Variants in EVC2 observed in about 807,000 individuals in gnomAD.
The protein encoded by EVC2 is EvC ciliary complex subunit 2.
EVC2 carries 148 observed loss-of-function variants against 149.3 expected under a neutral mutation model. The ratio of observed to expected loss-of-function variants is 0.99; its 90% CI spans 0.87 to 1.14. The LOEUF is 1.14. Among genes scored for constraint, EVC2 ranks in the 50% most tolerant of loss-of-function variants. EVC2 has a pLI of 0.00. For missense variants in EVC2, 1,854 were observed against 1,627.3 expected, an observed-to-expected ratio of 1.14 and a Z score of -2.40; for synonymous variants, 776 against 649.9, an observed-to-expected ratio of 1.19 and a Z score of -2.95.
chr4:5,664,592 G>A lies in EVC2; in HGVS notation c.1005+923C>T, dbSNP rs1000692058. On this transcript the variant is annotated intron_variant, in intron 8 of 21. Transcript: ENST00000344408. ...ACTTTTGCCCGCCAAGGAGACTGTGGGCTGACCTCATTTTGAAATGACAAT... is the reference window on the plus strand; with the variant it reads ...ACTTTTGCCCGCCAAGGAGACTGTGAGCTGACCTCATTTTGAAATGACAAT... Among the ~76,000 whole-genome samples, 6 of 152,078 alleles carry A rather than the reference G, an allele frequency of 3.9e-5. No individual in the cohort carries two copies. In the East Asian group the frequency reaches 1.2e-3, roughly 29 times the overall value.
chr4:5,604,991 G>A (rs1281555346), intron 16 of EVC2, among the ~76,000 whole-genome samples: 1 of 150,306 alleles, frequency 6.7e-6, no homozygotes, highest in Non-Finnish European at 1.5e-5. Context: ...AAGATGATGA[G>A]GATGAAGACC....
chr4:5,558,483 A>G (rs1048823526), downstream of EVC2, among the ~76,000 whole-genome samples: 3 of 152,216 alleles, frequency 2.0e-5, no homozygotes, highest in Non-Finnish European at 4.4e-5. Context: ...ATGATTGTGT[A>G]TCATTTTATA....
In EVC2 at chr4:5,640,403, T is replaced by A. The variant is rs74490257; in HGVS notation, c.1470+111A>T. The A allele has an allele frequency of 5.6e-6, 7 of 1,260,130 alleles. No homozygotes were observed. Among genetic ancestry groups the A allele is most frequent in the Non-Finnish European group, 7.0e-6 (6 of 860,382 alleles). The allele number at this position is 1,260,130 out of a possible 1,614,324, so 78.1% of individuals were successfully genotyped here. A position where few individuals can be genotyped will look rare whatever the true frequency, so the allele number is the denominator to read the frequency against. ...ATGAATGAGTGGGTGGTTGGATGGA[T>A]GATGGGTAGACGGATGGAGGAGGCA... On this transcript the variant is annotated intron_variant, in intron 10 of 21. Coordinates refer to ENST00000344408, the MANE Select transcript of EVC2 (RefSeq NM_147127.5). This position sits in a 1 kb window ranked among gnomAD's most constrained non-coding sequence, Gnocchi z 4.6.
In EVC2 at chr4:5,576,355, C is replaced by A; in HGVS notation, c.3157G>T (p.Asp1053Tyr). ...ALASWQQWVA[D>Y]GPGILNEPGE... ...GGTTCGTTCAGAATCCCGGGCCCAT[C>A]GGCCACCCACTGCTGCCAGCTCGCC... Residue 1053 changes from aspartate (D) to tyrosine (Y), a missense_variant, in exon 18 of 22, where the codon GAT becomes TAT. Coordinates refer to ENST00000344408, the MANE Select transcript of EVC2 (RefSeq NM_147127.5). This position sits in a 1 kb window ranked among gnomAD's most constrained non-coding sequence, Gnocchi z 4.5. 5 of 1,614,212 alleles carry A rather than the reference C, an allele frequency of 3.1e-6. No homozygotes were observed. The highest frequency in any genetic ancestry group is 4.2e-6 in the Non-Finnish European group (5 of 1,180,036).
In EVC2 at chr4:5,628,585, C is replaced by G. The variant is rs763402206; in HGVS notation, c.1860G>C (p.Leu620=). Residue 620 remains leucine, a synonymous_variant, in exon 12 of 22, where the codon CTG becomes CTC. Coordinates refer to ENST00000344408, the MANE Select transcript of EVC2 (RefSeq NM_147127.5). ...TCTCGTGCTTCTGAATGAGGTGAGT[C>G]AGCTGGGCTGCAGCGGTGCTCAGAA... ...QGLLSTAAAQ[L]THLIQKHERA... The G allele has an allele frequency of 4.3e-6, 7 of 1,614,060 alleles. No homozygotes were observed. The highest frequency in any genetic ancestry group is 5.9e-6 in the Non-Finnish European group (7 of 1,180,022).
At chr4:5,553,052 A>G (rs1721771318) in intron 21 of EVC2, among the ~76,000 whole-genome samples, 1 of 152,222 alleles carries the variant, frequency 6.6e-6, no homozygotes, top group Admixed American at 6.5e-5. Flanking sequence ...ACATTGCTAT[A>G]AAGAAATACC....
At chr4:5,594,013 G>A (rs1025338644) in intron 16 of EVC2, among the ~76,000 whole-genome samples, 1 of 152,202 alleles carries the variant, frequency 6.6e-6, no homozygotes, top group African/African-American at 2.4e-5. Flanking sequence ...CAGCGAGGCT[G>A]GGGGAGGGGT....
At position 5,640,509 on chromosome 4, in the gene EVC2, C is replaced by T; in HGVS notation, c.1470+5G>A. On this transcript the variant is annotated splice_donor_5th_base_variant and intron_variant, in intron 10 of 21. Coordinates refer to ENST00000344408, the MANE Select transcript of EVC2 (RefSeq NM_147127.5). The surrounding 1 kb of genome is among the most constrained non-coding windows in gnomAD (Gnocchi z 4.6). ...GTGAACGCCTTCCTTTCAGACCTGTCTTACCCTCTCACCAGCACGTTTCAG... is the reference window on the plus strand; with the variant it reads ...GTGAACGCCTTCCTTTCAGACCTGTTTTACCCTCTCACCAGCACGTTTCAG... The T allele has an allele frequency of 6.2e-7, 1 of 1,614,094 alleles. No individual in the cohort carries two copies.
intron 9 of EVC2, among the ~76,000 whole-genome samples, chr4:5,652,458 C>T (rs1718213390): frequency 2.6e-5 from 4 of 152,154 alleles, no homozygotes; most frequent in Admixed American, 2.6e-4. Context: ...GCTGCTGTAA[C>T]AAAGTAACAC....
chr4:5,610,211 T>C (rs1051847977), intron 16 of EVC2, among the ~76,000 whole-genome samples: 2 of 152,202 alleles, frequency 1.3e-5, no homozygotes, highest in Admixed American at 1.3e-4. Flanking sequence ...GGTACTCATA[T>C]GTAGAACTCA....
At chr4:5,568,386 A>G in intron 20 of EVC2, 58 bp downstream of exon 20, 1 of 1,517,402 alleles carries the variant, frequency 6.6e-7, no homozygotes, top group Middle Eastern at 2.3e-4. Context: ...TTGAGGACTC[A>G]TGGGGACCCT....
chr4:5,638,403 A>T (rs950590359), intron 10 of EVC2, among the ~76,000 whole-genome samples: 1 of 151,928 alleles, frequency 6.6e-6, no homozygotes, highest in Non-Finnish European at 1.5e-5. Context: ...AACAAAAAAA[A>T]AAAAATTGTA....
Position 5,681,259 on chromosome 4 carries a change from C to A in EVC2, c.870+1G>T. The A allele has an allele frequency of 1.2e-6, 2 of 1,614,246 alleles. No homozygotes were observed. The highest frequency in any genetic ancestry group is 2.2e-5 in the South Asian group (2 of 91,080). On this transcript the variant is annotated splice_donor_variant, in intron 7 of 21. Transcript: ENST00000344408. LOFTEE classifies it high-confidence loss of function. ...TGCTCAGGGCATGTCATGTCTCTTA[C>A]CGTTACGTTTTCTTCTGCTGTTATG...
intron 21 of EVC2, among the ~76,000 whole-genome samples, chr4:5,556,508 A>G (rs1431715120): frequency 6.6e-6 from 1 of 152,082 alleles, no homozygotes; most frequent in Non-Finnish European, 1.5e-5. Context: ...TAAAATTAAT[A>G]ATCTAAACTT....
At chr4:5,665,390 T>C (rs1342205871) in intron 8 of EVC2, 125 bp downstream of exon 8, 2 of 1,443,398 alleles carry the variant, frequency 1.4e-6, no homozygotes, top group Non-Finnish European at 1.9e-6. Context: ...GCCCTGGGCA[T>C]GGGTTTTTGT....
At chr4:5,588,168 GA>G (rs1439099586) in intron 16 of EVC2, among the ~76,000 whole-genome samples, 2 of 152,178 alleles carry the variant, frequency 1.3e-5, no homozygotes, top group African/African-American at 4.8e-5. Context: ...TCTGAATAAA[GA>G]ATTTTAGGTG....
At chr4:5,688,676 C>T (rs541654603) in intron 5 of EVC2, among the ~76,000 whole-genome samples, 1 of 152,262 alleles carries the variant, frequency 6.6e-6, no homozygotes, top group South Asian at 2.1e-4. Context: ...CCCCAGTGAA[C>T]ATGCTTGAAC....
intron 11 of EVC2, 52 bp from the exon 12 acceptor site, chr4:5,628,786 A>G: frequency 1.3e-6 from 2 of 1,529,468 alleles, no homozygotes; most frequent in South Asian, 1.1e-5. Flanking sequence ...AATTTAGAGC[A>G]TAATCTTTCT....
At chr4:5,707,960 C>G (rs1410843238) in intron 1 of EVC2, 1 of 217,660 alleles carries the variant, frequency 4.6e-6, no homozygotes. Flanking sequence ...GACGCCGCGA[C>G]GGCCCCGTTT....
Sources: gnomAD v4.1 joint callset for allele counts (sites outside exome capture counted in the v4.1 genomes callset) on GRCh38, gnomAD v4.1.1 for gene constraint, Gnocchi (gnomAD v3.1) non-coding constraint, MANE v1.5 for transcripts, NCBI Gene and HGNC (gene_info 2026-07-23, HGNC 2026-07-21) for gene names.